The following KDM2A variants were observed in gnomAD, a reference collection of about 807,000 sequenced individuals.
The protein encoded by KDM2A is lysine-specific demethylase 2A.
Under a neutral mutation model 137.3 loss-of-function variants are expected in KDM2A, and 3 were observed. That is an observed-to-expected ratio of 0.02 (90% CI 0.01 to 0.06). The LOEUF is 0.06. Ranked by LOEUF, KDM2A falls within the 10% of genes least tolerant of loss-of-function variation. The pLI is 1.00. For missense variants in KDM2A, 738 were observed against 1,510.6 expected (o/e 0.49, Z 8.48); for synonymous variants, 512 against 541.5 (o/e 0.95, Z 0.76).
intron 2 of KDM2A, among the ~76,000 whole-genome samples, chr11:67,161,826 A>G (rs1856645796): frequency 6.6e-6 from 1 of 152,224 alleles, no homozygotes; most frequent in Non-Finnish European, 1.5e-5. Context: ...AGAGGTTTCT[A>G]GAACTATATC....
At chr11:67,183,292 A>G (rs1235946274) in intron 5 of KDM2A, among the ~76,000 whole-genome samples, 1 of 152,262 alleles carries the variant, frequency 6.6e-6, no homozygotes, top group African/African-American at 2.4e-5. Flanking sequence ...AATAGTCTGT[A>G]ATTTGACCTC....
In KDM2A at chr11:67,124,293, C is replaced by A. The variant is rs372647507; in HGVS notation, c.42+2935C>A. The stretch of plus-strand genomic sequence containing the variant: ...TGCTGGGATTACAGGTGTGAGCCAC[C>A]GTGCCCGGCTTCACTTTATTTTTAT... On this transcript the variant is annotated intron_variant, in intron 2 of 20. Transcript: ENST00000529006. Among the ~76,000 whole-genome samples, 14 of 147,626 alleles carry A rather than the reference C, an allele frequency of 9.5e-5. No individual in the cohort carries two copies. In the South Asian group the frequency reaches 2.8e-3, roughly 29 times the overall value.
At chr11:67,204,758 T>C (rs770805272) in intron 5 of KDM2A, among the ~76,000 whole-genome samples, 1 of 152,192 alleles carries the variant, frequency 6.6e-6, no homozygotes, top group Non-Finnish European at 1.5e-5. Flanking sequence ...CCCAAAGTGC[T>C]GGGATTACAG....
intron 5 of KDM2A, among the ~76,000 whole-genome samples, chr11:67,188,583 G>A (rs1857267103): frequency 6.6e-6 from 1 of 151,856 alleles, no homozygotes; most frequent in Non-Finnish European, 1.5e-5. Context: ...TTAAGCCCAG[G>A]AGTTTGAGAC....
At chr11:67,130,548 T>G (rs1855829756) in intron 2 of KDM2A, among the ~76,000 whole-genome samples, 1 of 152,186 alleles carries the variant, frequency 6.6e-6, no homozygotes, top group Non-Finnish European at 1.5e-5. Context: ...TTTGTGTTAT[T>G]CTCGGGTCTT....
At chr11:67,248,542 T>TA (rs1389031856) in intron 16 of KDM2A, 172 bp downstream of exon 16, 1 of 568,538 alleles carries the variant, frequency 1.8e-6, no homozygotes, top group African/African-American at 1.9e-5. Context: ...TTTTCTTTGT[T>TA]AGAGTTTGTA....
At chr11:67,129,072 G>A (rs1855793525) in intron 2 of KDM2A, among the ~76,000 whole-genome samples, 1 of 152,124 alleles carries the variant, frequency 6.6e-6, no homozygotes, top group African/African-American at 2.4e-5. Flanking sequence ...TACAGAGCAA[G>A]ACCCTGTCTC....
intron 9 of KDM2A, among the ~76,000 whole-genome samples, chr11:67,218,647 C>A (rs1858241216): frequency 6.6e-6 from 1 of 151,996 alleles, no homozygotes; most frequent in Admixed American, 6.6e-5. Flanking sequence ...TCTGTAGCCT[C>A]AGGCTGGAGT....
chr11:67,205,645 ATT>A, intron 5 of KDM2A, among the ~76,000 whole-genome samples: 1 of 151,438 alleles, frequency 6.6e-6, no homozygotes, highest in African/African-American at 2.4e-5. Context: ...TGTATGTTTA[ATT>A]TTTTTTGTAT....
chr11:67,166,032 A>G (rs1274832849), intron 2 of KDM2A, among the ~76,000 whole-genome samples: 2 of 152,164 alleles, frequency 1.3e-5, no homozygotes, highest in African/African-American at 4.8e-5. Flanking sequence ...GAAACTAGGC[A>G]TTATCTTTGT....
intron 4 of KDM2A, 92 bp downstream of exon 4, chr11:67,181,490 A>G (rs1394953713): frequency 4.0e-6 from 3 of 747,280 alleles, no homozygotes; most frequent in South Asian, 2.0e-5. Flanking sequence ...ACCCAAAACA[A>G]TAGTAATTGA....
rs545602529 is a variant in KDM2A at position 67,180,061 on chromosome 11, T to C, written c.43-18T>C. 3 of 1,607,042 alleles carry C rather than the reference T, an allele frequency of 1.9e-6. No individual in the cohort carries two copies. In the Admixed American group the frequency reaches 5.1e-5, roughly 27 times the overall value. On this transcript the variant is annotated intron_variant, in intron 2 of 20. Transcript: ENST00000529006. ...GAAAAAGTGCATGATTTCATCAGTA[T>C]GTTCCTTTCTTTCCTAGCGTGGTAC... is the stretch of plus-strand genomic sequence containing the variant.
intron 16 of KDM2A, chr11:67,248,611 C>G (rs904492419): frequency 2.2e-6 from 1 of 450,292 alleles, no homozygotes; most frequent in East Asian, 4.3e-5. Flanking sequence ...TTCCTAAGGT[C>G]CTTTTATACT....
At chr11:67,180,799 C>T (rs1027667454) in intron 3 of KDM2A, among the ~76,000 whole-genome samples, 4 of 151,514 alleles carry the variant, frequency 2.6e-5, no homozygotes, top group Non-Finnish European at 4.4e-5. Context: ...ATTACAGGCA[C>T]GTGCCACCAC....
At chr11:67,185,510 T>A (rs1283654759) in intron 5 of KDM2A, among the ~76,000 whole-genome samples, 1 of 151,882 alleles carries the variant, frequency 6.6e-6, no homozygotes, top group Non-Finnish European at 1.5e-5. Context: ...GCCCCTGTAA[T>A]CCCAGCTACT....
intron 2 of KDM2A, among the ~76,000 whole-genome samples, chr11:67,170,387 GTTTTTTTTTTTTCTTTCTTTC>G (rs1340507554): frequency 2.8e-4 from 16 of 56,368 alleles, no homozygotes; most frequent in African/African-American, 4.9e-4. Flanking sequence ...CAAGCATGGG[GTTTTTTTTTTTTCTTTCTTTC>G]TTTTTTTTTT....
intron 2 of KDM2A, among the ~76,000 whole-genome samples, chr11:67,168,626 C>A (rs969418447): frequency 7.0e-6 from 1 of 142,488 alleles, no homozygotes; most frequent in Non-Finnish European, 1.5e-5. Flanking sequence ...CACACACACA[C>A]ACACACACAC....
At chr11:67,212,583 A>G (rs1420256674) in intron 6 of KDM2A, among the ~76,000 whole-genome samples, 2 of 152,186 alleles carry the variant, frequency 1.3e-5, no homozygotes, top group African/African-American at 4.8e-5. Flanking sequence ...TGCAGAACAG[A>G]TTATAACTGG....
intron 2 of KDM2A, among the ~76,000 whole-genome samples, chr11:67,128,975 C>T (rs1326827198): frequency 6.6e-6 from 1 of 152,142 alleles, no homozygotes; most frequent in Non-Finnish European, 1.5e-5. Context: ...CCCAGCTACC[C>T]AGGAGGTTGA....
Sources: allele counts gnomAD v4.1 joint callset (sites outside exome capture counted in the v4.1 genomes callset), GRCh38; gene constraint gnomAD v4.1.1; transcripts MANE v1.5; gene names NCBI Gene and HGNC (gene_info 2026-07-23, HGNC 2026-07-21).